Variants in ERAP1 observed in about 807,000 individuals in gnomAD.
ERAP1 encodes the protein adipocyte-derived leucine aminopeptidase.
In ERAP1, 86 loss-of-function variants were observed where a neutral mutation model predicts 103.7. The ratio of observed to expected loss-of-function variants is 0.83; its 90% confidence interval spans 0.70 to 0.99. The LOEUF is 0.99. Ranked by LOEUF, ERAP1 falls within the 50% of genes least tolerant of loss-of-function variation. The pLI, the probability that ERAP1 is intolerant of heterozygous loss-of-function variation, is 0.00. For missense variants in ERAP1, 1,009 were observed against 1,128.4 expected (o/e 0.89, Z 1.52); for synonymous variants, 398 against 402.4 (o/e 0.99, Z 0.13).
Position 96,786,515 on chromosome 5 carries a change from TG to T in ERAP1, c.1713del (p.Ser572AlafsTer11). On this transcript the variant is annotated frameshift_variant, in exon 12 of 19. Transcript: ENST00000443439. LOFTEE classifies it high-confidence loss of function. Reference protein sequence around the residue: ...YLWHVPLTFITSKSDMVHRFL... With the variant: ...YLWHVPLTFIXSKSDMVHRFL... Reference sequence around the variant, plus strand: ...AATCGATGGACCATGTCGGATTTGCTGGTGATGAATGTCAATGGAACATGCC... The same window carrying T: ...AATCGATGGACCATGTCGGATTTGCTGTGATGAATGTCAATGGAACATGCC... The T allele has an allele frequency of 6.2e-7, 1 of 1,613,234 alleles. No homozygotes were observed. Among genetic ancestry groups the T allele is most frequent in the Non-Finnish European group, 8.5e-7 (1 of 1,179,454 alleles).
chr5:96,766,101 A>G lies in ERAP1; in HGVS notation c.2819-2873T>C, dbSNP rs1216711335. 4 of 1,612,040 alleles carry G rather than the reference A, an allele frequency of 2.5e-6. No homozygotes were observed. In the East Asian group the frequency reaches 8.9e-5, roughly 36 times the overall value. On this transcript the variant is annotated intron_variant, in intron 19 of 19. Transcript: ENST00000296754. ...AGACAAGCTTGGAGAAAGAGATGAC[A>G]CTATCCCACCTGAATACAGACATCT...
the ERAP1 span, among the ~76,000 whole-genome samples, chr5:96,868,410 T>C: frequency 3.9e-5 from 6 of 152,334 alleles, no homozygotes; most frequent in South Asian, 1.2e-3. Context: ...ATGCTGTCTT[T>C]TGTGGGGAAC....
the ERAP1 span, among the ~76,000 whole-genome samples, chr5:96,931,851 T>C: frequency 6.6e-6 from 1 of 152,070 alleles, no homozygotes; most frequent in Non-Finnish European, 1.5e-5. Context: ...GAGAGAGAAG[T>C]TGGGCTCTTG....
downstream of ERAP1, chr5:96,772,607 G>A (rs767935124): frequency 1.3e-5 from 2 of 152,674 alleles, no homozygotes; most frequent in African/African-American, 4.8e-5. Flanking sequence ...CATATTAAAT[G>A]ATTCACTGCA....
At chr5:96,770,661 ATCATTTCAG>A, downstream of ERAP1, 1 of 1,136,490 alleles carries the variant, frequency 8.8e-7, no homozygotes, top group Non-Finnish European at 1.3e-6. Context: ...AGTAGGGTTT[ATCATTTCAG>A]TCATTTAGTT....
chr5:96,896,461 C>T, the ERAP1 span: 12 of 1,613,490 alleles, frequency 7.4e-6, no homozygotes, highest in Admixed American at 3.3e-5. Flanking sequence ...GCGGAAACCC[C>T]GACTCAAATA....
chr5:96,776,227 C>T lies in ERAP1; in HGVS notation c.*169G>A. The T allele has an allele frequency of 2.7e-6, 4 of 1,498,590 alleles. No individual in the cohort carries two copies. Among genetic ancestry groups the T allele is most frequent in the Non-Finnish European group, 2.7e-6 (3 of 1,127,580 alleles). 92.8% of individuals were successfully genotyped at this position (1,498,590 alleles called of 1,614,324 possible). A position where few individuals can be genotyped will look rare whatever the true frequency, so the allele number is the denominator to read the frequency against. On this transcript the variant is annotated 3_prime_UTR_variant, in exon 19 of 19. Coordinates refer to ENST00000443439, the MANE Select transcript of ERAP1 (RefSeq NM_001040458.3). ...GAACAAAACACATGGTAGCGATAGC[C>T]CATTCATGAAAAACTAACAGCTATT...
chr5:96,891,956 T>C, the ERAP1 span, among the ~76,000 whole-genome samples: 2 of 152,208 alleles, frequency 1.3e-5, no homozygotes, highest in African/African-American at 4.8e-5. Flanking sequence ...TTTTCAGCAG[T>C]ACTAACATAA....
Position 96,776,371 on chromosome 5 carries a change from C to G in ERAP1, c.*25G>C, listed in dbSNP as rs1278963374. ...ACAAAATGTTGGTGATTAGAGATAACAGGAACCTGGCAAGGGAGGAATTTT... is the reference window on the plus strand; with the variant it reads ...ACAAAATGTTGGTGATTAGAGATAAGAGGAACCTGGCAAGGGAGGAATTTT... On this transcript the variant is annotated 3_prime_UTR_variant, in exon 19 of 19. Coordinates refer to ENST00000443439, the MANE Select transcript of ERAP1 (RefSeq NM_001040458.3). The G allele has an allele frequency of 6.3e-7, 1 of 1,596,426 alleles. No individual in the cohort carries two copies. Among genetic ancestry groups the G allele is most frequent in the East Asian group, 2.2e-5 (1 of 44,640 alleles).
At chr5:96,836,831 A>T in the ERAP1 span, among the ~76,000 whole-genome samples, 4 of 152,234 alleles carry the variant, frequency 2.6e-5, no homozygotes, top group Non-Finnish European at 5.9e-5. Flanking sequence ...ATGTTAAATA[A>T]TGTATCAAAA....
intron 10 of ERAP1, 36 bp downstream of exon 10, chr5:96,790,260 G>A: frequency 6.3e-7 from 1 of 1,593,324 alleles, no homozygotes; most frequent in Non-Finnish European, 8.6e-7. Flanking sequence ...GTAAAAGAAT[G>A]TGCTTGGGGG....
exon 20 of ERAP1, chr5:96,763,149 A>C: frequency 1.3e-6 from 1 of 780,426 alleles, no homozygotes; most frequent in Non-Finnish European, 2.4e-6. Context: ...ATTCCGTTTG[A>C]TGTAGCATCA....
At chr5:96,896,965 T>TAAGTCATATGTTGG in the ERAP1 span, 1 of 987,684 alleles carries the variant, frequency 1.0e-6, no homozygotes, top group Non-Finnish European at 1.4e-6. Context: ...GTCAACCATA[T>TAAGTCATATGTTGG]TTATTCTGCT....
At chr5:96,780,298 A>AAAT in intron 18 of ERAP1, 125 bp downstream of exon 18, 1 of 696,244 alleles carries the variant, frequency 1.4e-6, no homozygotes, top group Non-Finnish European at 2.3e-6. Flanking sequence ...TAGCATCCAA[A>AAAT]AATAACTTCT....
At chr5:96,873,928 G>C in the ERAP1 span, among the ~76,000 whole-genome samples, 1 of 152,046 alleles carries the variant, frequency 6.6e-6, no homozygotes, top group Non-Finnish European at 1.5e-5. Flanking sequence ...TGACAGGATA[G>C]GCCTTGGTGA....
At chr5:96,807,354 G>A (rs1778746174) in intron 1 of ERAP1, among the ~76,000 whole-genome samples, 1 of 152,296 alleles carries the variant, frequency 6.6e-6, no homozygotes, top group Middle Eastern at 3.4e-3. Context: ...TTAACCCAAA[G>A]CCTCTGGGTT....
At chr5:96,787,630 C>T (rs749951280) in intron 11 of ERAP1, among the ~76,000 whole-genome samples, 1 of 151,880 alleles carries the variant, frequency 6.6e-6, no homozygotes, top group Non-Finnish European at 1.5e-5. Context: ...ATCATGTCAC[C>T]AATTTACTGT....
chr5:96,764,273 T>G (rs1406767101), intron 19 of ERAP1, among the ~76,000 whole-genome samples: 1 of 152,200 alleles, frequency 6.6e-6, no homozygotes. Context: ...CATTTACTTT[T>G]CTCAGCAACT....
chr5:96,889,489 C>G, the ERAP1 span: 1 of 731,032 alleles, frequency 1.4e-6, no homozygotes, highest in Non-Finnish European at 2.4e-6. Flanking sequence ...TGACATGCCC[C>G]AACAGTGTGG....
Sources: allele counts gnomAD v4.1 joint callset (sites outside exome capture counted in the v4.1 genomes callset), GRCh38; gene constraint gnomAD v4.1.1; transcripts MANE v1.5; gene names NCBI Gene and HGNC (gene_info 2026-07-23, HGNC 2026-07-21).